The following RYR3 variants were observed in gnomAD, a reference collection of about 807,000 sequenced individuals.
The protein encoded by RYR3 is brain ryanodine receptor-calcium release channel.
In RYR3, 207 loss-of-function variants were observed where a neutral mutation model predicts 584.3. The observed-to-expected ratio is 0.35, with a 90% CI of 0.32 to 0.40. The LOEUF is 0.40. Ranked by LOEUF, RYR3 falls within the 10% of genes least tolerant of loss-of-function variation. RYR3 has a pLI of 1.00. For missense variants in RYR3, 5,616 were observed against 6,089.2 expected (o/e 0.92, Z 2.59); for synonymous variants, 2,416 against 2,248.5 (o/e 1.07, Z -2.11).
intron 32 of RYR3, among the ~76,000 whole-genome samples, chr15:33,656,817 C>T (rs1003487174): frequency 6.6e-5 from 10 of 152,182 alleles, no homozygotes; most frequent in Non-Finnish European, 1.5e-4. Context: ...CATTTCAAAG[C>T]CAACAAGGGC....
chr15:33,511,645 T>C (rs2053019641), intron 3 of RYR3, among the ~76,000 whole-genome samples: 1 of 152,022 alleles, frequency 6.6e-6, no homozygotes, highest in South Asian at 2.1e-4. Flanking sequence ...CCCTTCAGTG[T>C]TGTGAAATTA....
At chr15:33,813,100 G>A in intron 73 of RYR3, 106 bp downstream of exon 73, 1 of 1,416,480 alleles carries the variant, frequency 7.1e-7, no homozygotes, top group Non-Finnish European at 9.7e-7. Flanking sequence ...ATAAGACTGA[G>A]AAAACAAGGA....
At position 33,731,518 on chromosome 15, in the gene RYR3, T is replaced by C. The variant is rs201117522; in HGVS notation, c.7248T>C (p.Tyr2416=). Residue 2416 remains tyrosine, a synonymous_variant, in exon 48 of 104, where the codon TAT becomes TAC. Coordinates refer to ENST00000634891, the MANE Select transcript of RYR3 (RefSeq NM_001036.6). ...AGGCTGCGCTTGCACTAAATAGGTA[T>C]ATATGTTCTGCTGTGCTCCCGCTCC... ...TTEAALALNR[Y]ICSAVLPLLT... 10 of 1,613,784 alleles carry C rather than the reference T, an allele frequency of 6.2e-6. No individual in the cohort carries two copies. The highest frequency in any genetic ancestry group is 8.5e-6 in the Non-Finnish European group (10 of 1,179,784).
chr15:33,729,341 CAGT>C (rs1486837594), intron 47 of RYR3, among the ~76,000 whole-genome samples: 2 of 152,078 alleles, frequency 1.3e-5, no homozygotes, highest in Non-Finnish European at 2.9e-5. Flanking sequence ...CACTAGATAT[CAGT>C]AGCACCCCAG....
chr15:33,553,235 G>A (rs2056816367), intron 10 of RYR3, among the ~76,000 whole-genome samples: 1 of 152,126 alleles, frequency 6.6e-6, no homozygotes, highest in Non-Finnish European at 1.5e-5. Flanking sequence ...AGCACTGCTG[G>A]GGCTTTAGTC....
chr15:33,688,370 G>A (rs538039682), intron 38 of RYR3, among the ~76,000 whole-genome samples: 14 of 151,990 alleles, frequency 9.2e-5, no homozygotes, highest in African/African-American at 3.4e-4. Flanking sequence ...ACAGGAGATC[G>A]AGACCATCCT....
At chr15:33,751,537 T>C (rs1340417163) in intron 57 of RYR3, among the ~76,000 whole-genome samples, 1 of 152,102 alleles carries the variant, frequency 6.6e-6, no homozygotes, top group Non-Finnish European at 1.5e-5. Flanking sequence ...TGTCTTCTTT[T>C]GAAAAGTGTC....
intron 46 of RYR3, among the ~76,000 whole-genome samples, 198 bp from the exon 47 acceptor site, chr15:33,728,659 C>G (rs1310035446): frequency 6.6e-6 from 1 of 152,184 alleles, no homozygotes; most frequent in African/African-American, 2.4e-5. Flanking sequence ...CATTGAGCAT[C>G]ATGTTGGTGC....
At chr15:33,827,055 C>A in intron 84 of RYR3, 144 bp from the exon 85 acceptor site, 1 of 738,066 alleles carries the variant, frequency 1.4e-6, no homozygotes, top group East Asian at 2.7e-5. Flanking sequence ...CAGAGCTCTG[C>A]CCTGCAGGAT....
chr15:33,813,421 C>G lies in RYR3; in HGVS notation c.10390-46C>G, dbSNP rs376288503. 6.5e-6 allele frequency: 10 copies of G among 1,530,906 alleles called. No individual in the cohort carries two copies. The African/African-American group carries it at 1.4e-4, about 21-fold the overall frequency. 94.8% of individuals were successfully genotyped at this position (1,530,906 alleles called of 1,614,324 possible). A position where few individuals can be genotyped will look rare whatever the true frequency, so the allele number is the denominator to read the frequency against. Reference sequence around the variant, plus strand: ...GCTACAGGTGACTAGCTTCTGCCACCAGAAGATCAGCCTAATGTGCACCAA... The same window carrying G: ...GCTACAGGTGACTAGCTTCTGCCACGAGAAGATCAGCCTAATGTGCACCAA... On this transcript the variant is annotated intron_variant, in intron 73 of 103. Coordinates refer to ENST00000634891, the MANE Select transcript of RYR3 (RefSeq NM_001036.6).
chr15:33,530,906 C>T lies in RYR3; in HGVS notation c.354+240C>T, dbSNP rs528629407. On this transcript the variant is annotated intron_variant, in intron 4 of 103. Coordinates refer to ENST00000634891, the MANE Select transcript of RYR3 (RefSeq NM_001036.6). ...ACCTCCAACTCCCTGAGGAAGAGGG[C>T]CATGTTTCTTTCTTATTTTGCTAGA... 9.9e-5 allele frequency among the ~76,000 whole-genome samples: 15 copies of T among 152,168 alleles called. No individual in the cohort carries two copies. In the East Asian group the frequency reaches 2.9e-3, roughly 29 times the overall value.
chr15:33,563,984 A>G (rs1444928842), intron 11 of RYR3, among the ~76,000 whole-genome samples: 2 of 152,210 alleles, frequency 1.3e-5, no homozygotes, highest in Non-Finnish European at 2.9e-5. Context: ...TTCAAAAAAA[A>G]TGGAAGGTTT....
At chr15:33,792,676 TAAAC>T (rs1387745296) in intron 67 of RYR3, among the ~76,000 whole-genome samples, 1 of 152,312 alleles carries the variant, frequency 6.6e-6, no homozygotes, top group African/African-American at 2.4e-5. Context: ...TGAAAATAAA[TAAAC>T]AACAATTATA....
chr15:33,311,032 A>G lies in RYR3; in HGVS notation c.-14A>G. 6.3e-7 allele frequency: 1 copy of G among 1,574,892 alleles called. No individual in the cohort carries two copies. The highest frequency in any genetic ancestry group is 8.6e-7 in the Non-Finnish European group (1 of 1,162,070). On this transcript the variant is annotated 5_prime_UTR_variant, in exon 1 of 104. Transcript: ENST00000634891. This position sits in a 1 kb window ranked among gnomAD's most constrained non-coding sequence, Gnocchi z 4.4. ...GGCGCCGGAGGCTGGGGCACCGCCG[A>G]CGCCTCGGGAGCCATGGCCGAAGGG...
chr15:33,515,920 T>A (rs2053478158), intron 3 of RYR3, among the ~76,000 whole-genome samples: 1 of 152,222 alleles, frequency 6.6e-6, no homozygotes, highest in African/African-American at 2.4e-5. Context: ...TAGATACCAC[T>A]TCGCACTTCC....
chr15:33,744,453 G>T (rs2152840429), intron 52 of RYR3, among the ~76,000 whole-genome samples: 1 of 152,292 alleles, frequency 6.6e-6, no homozygotes, highest in African/African-American at 2.4e-5. Flanking sequence ...ACAAGAAAAA[G>T]AGTATTTTCC....
At chr15:33,403,912 A>T (rs11072440) in intron 1 of RYR3, among the ~76,000 whole-genome samples, 42,591 of 151,224 alleles carry the variant, frequency 0.28, 7,264 homozygotes, top group East Asian at 0.39. Flanking sequence ...CAAAAGAGAG[A>T]TTGTTAGCCA....
At chr15:33,731,994 A>AT (rs1230088615) in intron 48 of RYR3, among the ~76,000 whole-genome samples, 3 of 152,178 alleles carry the variant, frequency 2.0e-5, no homozygotes, top group African/African-American at 7.2e-5. Context: ...GGCTGTCTTC[A>AT]TTCTCTTCAT....
chr15:33,675,009 G>A (rs966291563), intron 38 of RYR3, among the ~76,000 whole-genome samples: 5 of 152,204 alleles, frequency 3.3e-5, no homozygotes, highest in African/African-American at 9.6e-5. Flanking sequence ...GCAGGAGAAT[G>A]GGGTGAACCC....
Sources: gnomAD v4.1 joint callset for allele counts (sites outside exome capture counted in the v4.1 genomes callset) on GRCh38, gnomAD v4.1.1 for gene constraint, Gnocchi (gnomAD v3.1) non-coding constraint, MANE v1.5 for transcripts, NCBI Gene and HGNC (gene_info 2026-07-23, HGNC 2026-07-21) for gene names.